CACNA2D3: variants seen among roughly 807,000 people sequenced by gnomAD.
CACNA2D3 encodes the protein voltage-dependent calcium channel subunit alpha-2/delta-3.
Under a neutral mutation model 160.6 loss-of-function variants are expected in CACNA2D3, and 60 were observed. That is an observed-to-expected ratio of 0.37 (90% CI 0.30 to 0.46). The LOEUF (loss-of-function observed/expected upper bound fraction) is 0.46, where lower values mean the gene tolerates loss of function less well. CACNA2D3 is among the 20% of genes least tolerant of loss of function. CACNA2D3 has a pLI of 1.00. For synonymous variants in CACNA2D3, 558 were observed against 492.9 expected (o/e 1.13, Z -1.75); for missense variants, 1,205 against 1,365.0 (o/e 0.88, Z 1.85).
At chr3:54,924,710 A>G (rs1228808653) in intron 27 of CACNA2D3, 7 of 1,613,988 alleles carry the variant, frequency 4.3e-6, no homozygotes, top group African/African-American at 1.3e-5. Context: ...AAAGCCTCAC[A>G]CTGGGCATGG....
At position 54,764,361 on chromosome 3, in the gene CACNA2D3, C is replaced by A; in HGVS notation, c.1380+10C>A. ...TTACATTGACAGCACTGTGAGTCCA[C>A]GGGGCCCTGGGAAAGAGGCTAAGCT... On this transcript the variant is annotated intron_variant, in intron 13 of 37. Coordinates refer to ENST00000474759, the MANE Select transcript of CACNA2D3 (RefSeq NM_018398.3). The A allele has an allele frequency of 6.2e-7, 1 of 1,613,336 alleles. No homozygotes were observed. The highest frequency in any genetic ancestry group is 8.5e-7 in the Non-Finnish European group (1 of 1,179,472).
At chr3:54,502,671 C>A (rs952255726) in intron 4 of CACNA2D3, among the ~76,000 whole-genome samples, 29 of 152,192 alleles carry the variant, frequency 1.9e-4, no homozygotes, top group African/African-American at 6.5e-4. Context: ...TATTTGAATT[C>A]TGGCTTTCCT....
At chr3:54,963,493 C>A (rs1262495367) in intron 27 of CACNA2D3, among the ~76,000 whole-genome samples, 1 of 152,182 alleles carries the variant, frequency 6.6e-6, no homozygotes, top group African/African-American at 2.4e-5. Flanking sequence ...AACTAAGGAA[C>A]TAAATTGTGA....
At position 55,044,961 on chromosome 3, in the gene CACNA2D3, A is replaced by G. The variant is rs114195200; in HGVS notation, c.2987+26644A>G. 5.0e-3 allele frequency among the ~76,000 whole-genome samples: 769 copies of G among 152,292 alleles called. 5 individuals carry two copies. The highest frequency in any genetic ancestry group is 0.017 in the African/African-American group (719 of 41,570). On this transcript the variant is annotated intron_variant, in intron 35 of 37. Coordinates refer to ENST00000474759, the MANE Select transcript of CACNA2D3 (RefSeq NM_018398.3). ...GGGGTAAACCATACTTGGTCATGAT[A>G]TATTGTTCTATTTTATATTACTGTA...
intron 2 of CACNA2D3, among the ~76,000 whole-genome samples, chr3:54,227,640 C>T (rs375783769): frequency 2.6e-5 from 4 of 152,008 alleles, no homozygotes; most frequent in African/African-American, 2.4e-5. Flanking sequence ...CTGCAACCTC[C>T]GCCTCTCAGG....
At chr3:54,776,475 A>G (rs1702427025) in intron 13 of CACNA2D3, among the ~76,000 whole-genome samples, 1 of 152,154 alleles carries the variant, frequency 6.6e-6, no homozygotes, top group Admixed American at 6.5e-5. Context: ...TGACTGCACC[A>G]CTGCACTCTA....
rs548121201 is a variant in CACNA2D3 at position 54,909,315 on chromosome 3, AT to A, written c.2449+9460del. 2.9e-3 allele frequency among the ~76,000 whole-genome samples: 426 copies of A among 145,298 alleles called. 2 individuals carry two copies. Among genetic ancestry groups the A allele is most frequent in the East Asian group, 0.012 (58 of 4,970 alleles). On this transcript the variant is annotated intron_variant, in intron 27 of 37. Coordinates refer to ENST00000474759, the MANE Select transcript of CACNA2D3 (RefSeq NM_018398.3). ...GCTTTGGTGGAAAACAGTTTATGGG[AT>A]TTTTTTTTTTTTCCAACATGGCTCA...
intron 9 of CACNA2D3, among the ~76,000 whole-genome samples, chr3:54,605,343 T>G (rs1481790081): frequency 1.3e-5 from 2 of 152,214 alleles, no homozygotes; most frequent in Admixed American, 1.3e-4. Context: ...ATGATGGTTC[T>G]GAGAAGTTTC....
At position 55,007,972 on chromosome 3, in the gene CACNA2D3, T is replaced by A. The variant is rs371199078; in HGVS notation, c.2819+130T>A. On this transcript the variant is annotated intron_variant, in intron 33 of 37. Transcript: ENST00000474759. ...TTCCTAGTACTCTGAGATAACTTCA[T>A]TGAACATCTCAAAATATTGAACACA... The A allele has an allele frequency of 9.0e-5, 54 of 602,206 alleles. No individual in the cohort carries two copies. The Middle Eastern group carries it at 1.2e-3, about 14-fold the overall frequency. 37.3% of individuals were successfully genotyped at this position (602,206 alleles called of 1,614,324 possible). A position where few individuals can be genotyped will look rare whatever the true frequency, so the allele number is the denominator to read the frequency against.
intron 2 of CACNA2D3, among the ~76,000 whole-genome samples, chr3:54,203,462 G>A (rs9827658): frequency 0.48 from 72,678 of 152,086 alleles, 20,135 homozygotes; most frequent in East Asian, 0.79. Context: ...TGTTAGCTCA[G>A]TTAGACCCTC....
At chr3:54,681,430 C>A (rs1466108752) in intron 11 of CACNA2D3, among the ~76,000 whole-genome samples, 2 of 142,716 alleles carry the variant, frequency 1.4e-5, no homozygotes, top group African/African-American at 5.3e-5. Flanking sequence ...GTGGCACATG[C>A]CTGTAGTCCC....
At chr3:54,873,191 A>G (rs1699579506) in intron 18 of CACNA2D3, among the ~76,000 whole-genome samples, 1 of 152,128 alleles carries the variant, frequency 6.6e-6, no homozygotes, top group Non-Finnish European at 1.5e-5. Context: ...TGAAAAACAG[A>G]GAAGTACTTG....
At chr3:54,511,340 A>G (rs567286703) in intron 5 of CACNA2D3, among the ~76,000 whole-genome samples, 6 of 150,976 alleles carry the variant, frequency 4.0e-5, no homozygotes, top group Non-Finnish European at 8.8e-5. Context: ...ACTTGGAGGC[A>G]GGGGCTGTGT....
intron 14 of CACNA2D3, among the ~76,000 whole-genome samples, chr3:54,832,011 TCA>T (rs60020847): frequency 0.2 from 23,409 of 118,262 alleles, 2,768 homozygotes; most frequent in Admixed American, 0.26. Context: ...CTCTTCTCTG[TCA>T]CACACACACA....
chr3:54,648,998 A>G (rs1051002164), intron 11 of CACNA2D3, among the ~76,000 whole-genome samples: 1 of 152,208 alleles, frequency 6.6e-6, no homozygotes, highest in African/African-American at 2.4e-5. Flanking sequence ...ATTGGTGGTC[A>G]AATTCCAACA....
intron 2 of CACNA2D3, among the ~76,000 whole-genome samples, chr3:54,198,427 G>A (rs909536753): frequency 5.3e-5 from 8 of 152,176 alleles, no homozygotes; most frequent in Non-Finnish European, 1.0e-4. Context: ...GAATATTTCC[G>A]TATACCAGCT....
intron 35 of CACNA2D3, among the ~76,000 whole-genome samples, chr3:55,049,322 C>T (rs987627957): frequency 1.4e-5 from 2 of 145,146 alleles, no homozygotes; most frequent in African/African-American, 2.7e-5. Flanking sequence ...TCGTTGGTTT[C>T]AAAGAACATC....
chr3:55,018,926 G>GT (rs1466958062), intron 35 of CACNA2D3, among the ~76,000 whole-genome samples: 17 of 146,876 alleles, frequency 1.2e-4, no homozygotes, highest in Non-Finnish European at 1.3e-4. Context: ...CTATTGTATG[G>GT]TTTGACTCTT....
rs975401206 is a variant in CACNA2D3, at chr3:54,711,226, G to A, written c.1168-41373G>A. 2.6e-5 allele frequency among the ~76,000 whole-genome samples: 4 copies of A among 152,158 alleles called. No individual in the cohort carries two copies. The East Asian group carries it at 5.8e-4, about 22-fold the overall frequency. On this transcript the variant is annotated intron_variant, in intron 11 of 37. Transcript: ENST00000474759. The stretch of plus-strand genomic sequence containing the variant: ...CCACTGTTCACTGGGTACCATGTAC[G>A]TAAGACTGTGCCTCAGCGCTCCACA...
Sources: gnomAD v4.1 joint callset for allele counts (sites outside exome capture counted in the v4.1 genomes callset) on GRCh38, gnomAD v4.1.1 for gene constraint, MANE v1.5 for transcripts, NCBI Gene and HGNC (gene_info 2026-07-23, HGNC 2026-07-21) for gene names.